Variants in SETD2 observed in about 807,000 individuals in gnomAD.
The protein encoded by SETD2 is SET domain containing 2, histone lysine methyltransferase.
A neutral mutation model predicts 242.1 loss-of-function variants in SETD2; 31 were observed. The ratio of observed to expected loss-of-function variants is 0.13; its 90% CI spans 0.10 to 0.17. SETD2 has a LOEUF of 0.17. SETD2 is among the 10% of genes least tolerant of loss of function. The pLI, the probability that SETD2 is intolerant of heterozygous loss-of-function variation, is 1.00. For synonymous variants in SETD2, 1,006 were observed against 1,066.5 expected, an observed-to-expected ratio of 0.94 and a Z score of 1.11; for missense variants, 2,481 against 3,046.3, an observed-to-expected ratio of 0.81 and a Z score of 4.37.
At position 47,123,315 on chromosome 3, in the gene SETD2, G is replaced by C. The variant is rs1293916143; in HGVS notation, c.1321C>G (p.Arg441Gly). The change falls in exon 3 of 21, where the codon CGA becomes GGA. Residue 441 changes from arginine to glycine, a missense_variant. This residue lies in a region of SETD2 where 1,300 missense variants were observed against 1,259.2 expected (regional missense o/e 1.03). Transcript: ENST00000409792. ...DRRYHRSSPY[R>G]ERTRYSRPYT... is the part of the protein sequence containing the mutation. ...GGCCGAGAATAGCGCGTCCTCTCTC[G>C]ATAAGGGGAGCTCCTATGGTAGCGA... 1 of 1,551,650 alleles carries C rather than the reference G, an allele frequency of 6.4e-7. No individual in the cohort carries two copies.
chr3:47,108,234 A>G (rs534468489), intron 5 of SETD2, among the ~76,000 whole-genome samples: 6 of 152,338 alleles, frequency 3.9e-5, no homozygotes, highest in South Asian at 4.1e-4. Context: ...TACAAAACAT[A>G]TATTATCCAG....
intron 1 of SETD2, among the ~76,000 whole-genome samples, chr3:47,158,617 A>G (rs1275081282): frequency 1.3e-5 from 2 of 152,216 alleles, no homozygotes; most frequent in African/African-American, 2.4e-5. Flanking sequence ...AGTATATAAT[A>G]CACATAACAT....
At chr3:47,088,053 CTTCATTCA>C in intron 10 of SETD2, 52 bp downstream of exon 10, 1 of 1,491,410 alleles carries the variant, frequency 6.7e-7, no homozygotes, top group South Asian at 1.3e-5. Context: ...CTTCATTCAT[CTTCATTCA>C]TTCATTCCCA....
At chr3:47,124,602 T>G in intron 2 of SETD2, 54 bp from the exon 3 acceptor site, 3 of 1,407,954 alleles carry the variant, frequency 2.1e-6, no homozygotes, top group South Asian at 1.5e-5. Flanking sequence ...TACTTTCAAA[T>G]GGACTGCACA....
chr3:47,083,763 C>T lies in SETD2; in HGVS notation c.6017G>A (p.Ser2006Asn). 6.2e-7 allele frequency: 1 copy of T among 1,614,038 alleles called. No individual in the cohort carries two copies. The highest frequency in any genetic ancestry group is 2.2e-5 in the East Asian group (1 of 44,882). ...GTCCAGGAGTTTGGTGGCCAAATCA[C>T]TTATATCCACTGTTTTATCTGGCTG... ...QEQPDKTVDI[S>N]DLATKLLDSW... Residue 2006 changes from serine to asparagine, a missense_variant, in exon 12 of 21, where the codon AGT becomes AAT. By Grantham distance (46) the Ser-to-Asn change is conservative. Transcript: ENST00000409792.
chr3:47,057,796 C>T (rs2040143944), intron 14 of SETD2, among the ~76,000 whole-genome samples: 4 of 152,052 alleles, frequency 2.6e-5, no homozygotes, highest in Admixed American at 2.6e-4. Flanking sequence ...TCTATAATCA[C>T]AAATTCTAAA....
At chr3:47,094,860 T>C (rs977343296) in intron 9 of SETD2, among the ~76,000 whole-genome samples, 3 of 152,210 alleles carry the variant, frequency 2.0e-5, no homozygotes, top group African/African-American at 4.8e-5. Context: ...ACAAGTTACA[T>C]CTAATTCAGT....
chr3:47,127,509 C>T (rs2043366220), intron 1 of SETD2: 2 of 436,970 alleles, frequency 4.6e-6, no homozygotes, highest in Non-Finnish European at 9.1e-6. Context: ...GGGAGGATCA[C>T]TTGAGTTCAG....
At chr3:47,105,120 C>T (rs1207632312) in intron 6 of SETD2, among the ~76,000 whole-genome samples, 1 of 152,002 alleles carries the variant, frequency 6.6e-6, no homozygotes, top group Non-Finnish European at 1.5e-5. Flanking sequence ...TAAGCAAAAG[C>T]ACTTTGGGGC....
chr3:47,089,792 C>A (rs750563619), intron 9 of SETD2, among the ~76,000 whole-genome samples: 3 of 151,820 alleles, frequency 2.0e-5, no homozygotes, highest in African/African-American at 7.3e-5. Context: ...GAATGAGTCA[C>A]TGAAATAAGA....
intron 18 of SETD2, among the ~76,000 whole-genome samples, chr3:47,032,255 T>C (rs539711894): frequency 5.6e-4 from 85 of 151,734 alleles, no homozygotes; most frequent in African/African-American, 1.9e-3. Flanking sequence ...CTCACACCTA[T>C]AATCCCAGCA....
In SETD2 at chr3:47,039,297, C is replaced by T. The variant is rs563237756; in HGVS notation, c.7239-1520G>A. ...TGGCGTGATCTCAGCTCACTGCAAC[C>T]TCTGCCTCCTGGGTTCAAGTGATTC... On this transcript the variant is annotated intron_variant, in intron 17 of 20. Coordinates refer to ENST00000409792, the MANE Select transcript of SETD2 (RefSeq NM_014159.7). Among the ~76,000 whole-genome samples, 333 of 152,050 alleles carry T rather than the reference C, an allele frequency of 2.2e-3. 1 individual carries two copies. Among genetic ancestry groups the T allele is most frequent in the African/African-American group, 7.4e-3 (308 of 41,490 alleles).
At chr3:47,096,571 CAAA>C (rs759377907) in intron 9 of SETD2, among the ~76,000 whole-genome samples, 44 of 31,966 alleles carry the variant, frequency 1.4e-3, no homozygotes, top group African/African-American at 5.0e-3. Context: ...GATTTTGCCT[CAAA>C]AAAAAAAAAA....
intron 15 of SETD2, among the ~76,000 whole-genome samples, chr3:47,051,691 T>G (rs1376938594): frequency 4.6e-5 from 7 of 152,124 alleles, no homozygotes; most frequent in Admixed American, 4.6e-4. Context: ...GATATTGATT[T>G]TATAAAATAA....
intron 15 of SETD2, 148 bp from the exon 16 acceptor site, chr3:47,046,769 T>C (rs577038889): frequency 3.5e-6 from 2 of 574,964 alleles, no homozygotes; most frequent in African/African-American, 1.9e-5. Context: ...TGCAAAACAA[T>C]TTTTTGTTTC....
intron 18 of SETD2, among the ~76,000 whole-genome samples, chr3:47,021,205 T>G (rs1040058515): frequency 6.6e-6 from 1 of 152,172 alleles, no homozygotes; most frequent in Non-Finnish European, 1.5e-5. Context: ...AAGAATTATT[T>G]GAGTAAGTCA....
chr3:47,056,789 A>G (rs1393865826), intron 15 of SETD2, 32 bp downstream of exon 15: 1 of 1,576,042 alleles, frequency 6.3e-7, no homozygotes, highest in Non-Finnish European at 8.7e-7. Flanking sequence ...ACAGACCATA[A>G]AGCAGAAAAG....
chr3:47,073,129 T>A, intron 12 of SETD2, among the ~76,000 whole-genome samples: 1 of 140,864 alleles, frequency 7.1e-6, no homozygotes, highest in African/African-American at 2.7e-5. Context: ...CTAGCCTGGG[T>A]AACAGAGTGA....
At position 47,017,384 on chromosome 3, in the gene SETD2, G is replaced by T. The variant is rs950731134; in HGVS notation, c.7534-130C>A. 2.0e-5 allele frequency: 20 copies of T among 993,596 alleles called. No individual in the cohort carries two copies. Among genetic ancestry groups the T allele is most frequent in the Middle Eastern group, 2.5e-4 (1 of 3,950 alleles). 61.5% of individuals were successfully genotyped at this position (993,596 alleles called of 1,614,324 possible). ...TCACCAAGACAGGAAGTTAATAAGG[G>T]GGTAGATGTTGGGGCAGGCTGGTGC... On this transcript the variant is annotated intron_variant, in intron 20 of 20. Transcript: ENST00000409792. This position sits in a 1 kb window ranked among gnomAD's most constrained non-coding sequence, Gnocchi z 4.8.
Sources: gnomAD v4.1 joint callset for allele counts (sites outside exome capture counted in the v4.1 genomes callset) on GRCh38, gnomAD v4.1.1 for gene constraint, gnomAD v4.1.1 regional missense constraint, Gnocchi (gnomAD v3.1) non-coding constraint, MANE v1.5 for transcripts, NCBI Gene and HGNC (gene_info 2026-07-23, HGNC 2026-07-21) for gene names.